Variants in AKAP10 observed in about 807,000 individuals in gnomAD.
AKAP10 encodes A-kinase anchor protein 10, mitochondrial.
Under a neutral mutation model 80.8 loss-of-function variants are expected in AKAP10, and 24 were observed. The ratio of observed to expected loss-of-function variants is 0.30; its 90% confidence interval spans 0.22 to 0.42. AKAP10 has a LOEUF of 0.42. AKAP10 is among the 10% of genes least tolerant of loss of function. AKAP10 has a pLI of 1.00. For synonymous variants in AKAP10, 291 were observed against 277.7 expected (o/e 1.05, Z -0.48); for missense variants, 661 against 794.9 (o/e 0.83, Z 2.03).
chr17:19,962,752 T>C (rs2043368297), intron 3 of AKAP10, 88 bp downstream of exon 3: 2 of 1,335,852 alleles, frequency 1.5e-6, no homozygotes, highest in Non-Finnish European at 2.0e-6. Flanking sequence ...ACTTTCCAAT[T>C]ATATAGTTCT....
At chr17:19,955,829 C>T (rs1320225925) in intron 4 of AKAP10, among the ~76,000 whole-genome samples, 1 of 151,044 alleles carries the variant, frequency 6.6e-6, no homozygotes, top group African/African-American at 2.4e-5. Flanking sequence ...AGTGAGACTC[C>T]ATCTCAAAAA....
At chr17:19,963,135 G>A (rs1482510293) in intron 2 of AKAP10, 113 bp from the exon 3 acceptor site, 39 of 841,530 alleles carry the variant, frequency 4.6e-5, no homozygotes, top group Non-Finnish European at 6.5e-5. Flanking sequence ...TTACTCTTAA[G>A]TCAGCATACT....
intron 12 of AKAP10, among the ~76,000 whole-genome samples, chr17:19,917,044 C>T (rs979927659): frequency 6.6e-6 from 1 of 152,018 alleles, no homozygotes; most frequent in African/African-American, 2.4e-5. Context: ...GCGAGCGGAT[C>T]ACGAGGTCAG....
intron 13 of AKAP10, among the ~76,000 whole-genome samples, chr17:19,909,510 T>C (rs1373003598): frequency 1.3e-5 from 2 of 152,238 alleles, no homozygotes; most frequent in African/African-American, 2.4e-5. Context: ...ACTTTCATAT[T>C]AGATGGTCAA....
Position 19,957,155 on chromosome 17 carries a change from G to C in AKAP10, c.877+859C>G, listed in dbSNP as rs184634581. Among the ~76,000 whole-genome samples, 428 of 152,098 alleles carry C rather than the reference G, an allele frequency of 2.8e-3. 3 individuals are homozygous for C. The highest frequency in any genetic ancestry group is 9.7e-3 in the African/African-American group (403 of 41,476). ...ACTAATAGAGAAGAAAAAAAAACAG[G>C]TGCTCTTGTCAAAATGCTTCTAGGT... On this transcript the variant is annotated intron_variant, in intron 4 of 14. Transcript: ENST00000225737.
chr17:19,946,248 T>TAAA (rs1158994804), intron 5 of AKAP10, among the ~76,000 whole-genome samples: 1 of 18,152 alleles, frequency 5.5e-5, no homozygotes, highest in African/African-American at 2.5e-4. Context: ...TATATATATA[T>TAAA]ATATATATAT....
chr17:19,974,461 ATTC>A (rs774781486), intron 1 of AKAP10, among the ~76,000 whole-genome samples: 4 of 152,138 alleles, frequency 2.6e-5, no homozygotes, highest in African/African-American at 7.2e-5. Context: ...GCTCAAGACA[ATTC>A]TTCTTCCAAT....
intron 10 of AKAP10, among the ~76,000 whole-genome samples, chr17:19,931,504 C>T (rs1158502912): frequency 6.6e-6 from 1 of 151,544 alleles, no homozygotes; most frequent in Non-Finnish European, 1.5e-5. Context: ...GATTCTCCTG[C>T]CTCAGCCTCC....
chr17:19,961,111 G>A lies in AKAP10; in HGVS notation c.319+1729C>T, dbSNP rs558327355. ...AATCCCAGCACTTTGGGAGGCCTACGCAAGTGGATCGCTTGATTCCAGGAG... is the reference window on the plus strand; with the variant it reads ...AATCCCAGCACTTTGGGAGGCCTACACAAGTGGATCGCTTGATTCCAGGAG... On this transcript the variant is annotated intron_variant, in intron 3 of 14. Coordinates refer to ENST00000225737, the MANE Select transcript of AKAP10 (RefSeq NM_007202.4). Among the ~76,000 whole-genome samples, 7 of 150,936 alleles carry A rather than the reference G, an allele frequency of 4.6e-5. No individual in the cohort carries two copies. In the South Asian group the frequency reaches 6.3e-4, roughly 14 times the overall value.
At chr17:19,946,263 ATATATATATATATTTTT>A (rs2043124185) in intron 5 of AKAP10, among the ~76,000 whole-genome samples, 1 of 27,214 alleles carries the variant, frequency 3.7e-5, no homozygotes, top group Non-Finnish European at 6.2e-5. Context: ...ATATATATAT[ATATATATATATATTTTT>A]TTTTTTTTTT....
At chr17:19,935,502 CTTT>C (rs199831676) in intron 9 of AKAP10, among the ~76,000 whole-genome samples, 8 of 152,052 alleles carry the variant, frequency 5.3e-5, no homozygotes, top group African/African-American at 1.9e-4. Flanking sequence ...AACTGTTTTA[CTTT>C]TTTTAGCTTT....
At chr17:19,940,779 T>C in intron 7 of AKAP10, 108 bp downstream of exon 7, 1 of 1,275,432 alleles carries the variant, frequency 7.8e-7, no homozygotes, top group East Asian at 2.7e-5. Flanking sequence ...TACATCTTTT[T>C]GGAAATGACT....
chr17:19,936,150 G>A, intron 9 of AKAP10, 136 bp downstream of exon 9: 1 of 979,122 alleles, frequency 1.0e-6, no homozygotes, highest in South Asian at 1.9e-5. Flanking sequence ...CCAGACTCAA[G>A]GCCTCTGCTC....
At chr17:19,916,878 A>G (rs900058044) in intron 12 of AKAP10, among the ~76,000 whole-genome samples, 1 of 151,872 alleles carries the variant, frequency 6.6e-6, no homozygotes, top group African/African-American at 2.4e-5. Context: ...CAGAGCTTGC[A>G]GTGAGCCGAC....
chr17:19,962,798 A>C lies in AKAP10; in HGVS notation c.319+42T>G, dbSNP rs770610054. 7 of 1,577,906 alleles carry C rather than the reference A, an allele frequency of 4.4e-6. No homozygotes were observed. In the East Asian group the frequency reaches 1.6e-4, roughly 35 times the overall value. On this transcript the variant is annotated intron_variant, in intron 3 of 14. Transcript: ENST00000225737. ...ACAGAAGTTTCACATATTGTACTCA[A>C]ATCCTTCTAATACAAGTTAATAAAA... is the stretch of plus-strand genomic sequence containing the variant.
intron 4 of AKAP10, among the ~76,000 whole-genome samples, chr17:19,957,567 C>G (rs961256861): frequency 5.9e-5 from 9 of 152,034 alleles, no homozygotes; most frequent in African/African-American, 1.9e-4. Flanking sequence ...CTACTACCTG[C>G]ACAAAGGTCT....
chr17:19,938,334 T>C (rs1255958557), intron 8 of AKAP10, among the ~76,000 whole-genome samples: 1 of 151,338 alleles, frequency 6.6e-6, no homozygotes, highest in African/African-American at 2.4e-5. Context: ...CCTCCCGGGC[T>C]CGAGCAATTC....
chr17:19,976,034 A>T (rs758943234), intron 1 of AKAP10, among the ~76,000 whole-genome samples: 14 of 152,184 alleles, frequency 9.2e-5, no homozygotes, highest in Non-Finnish European at 1.9e-4. Flanking sequence ...ACTTAAGAAG[A>T]AGTATTTAAA....
intron 4 of AKAP10, 91 bp downstream of exon 4, chr17:19,957,923 A>C (rs2043299142): frequency 7.5e-7 from 1 of 1,338,148 alleles, no homozygotes; most frequent in South Asian, 1.4e-5. Context: ...AAAATATTCC[A>C]ATCATTTTAT....
Sources: allele counts gnomAD v4.1 joint callset (sites outside exome capture counted in the v4.1 genomes callset), GRCh38; gene constraint gnomAD v4.1.1; transcripts MANE v1.5; gene names NCBI Gene and HGNC (gene_info 2026-07-23, HGNC 2026-07-21).